The following MRPS28 variants were observed in gnomAD, a reference collection of about 807,000 sequenced individuals.
The protein encoded by MRPS28 is small ribosomal subunit protein bS1m.
MRPS28 carries 7 observed loss-of-function variants against 10.8 expected under a neutral mutation model. The ratio of observed to expected loss-of-function variants is 0.65; its 90% CI spans 0.37 to 1.22. The LOEUF is 1.22. Among genes scored for constraint, MRPS28 ranks in the 50% most tolerant of loss-of-function variants. MRPS28 has a pLI of 0.02. For missense variants in MRPS28, 265 were observed against 232.9 expected, an observed-to-expected ratio of 1.14 and a Z score of -0.90; for synonymous variants, 121 against 93.3, an observed-to-expected ratio of 1.30 and a Z score of -1.71.
chr8:79,932,243 T>C (rs1447846783), intron 2 of MRPS28, among the ~76,000 whole-genome samples: 1 of 151,868 alleles, frequency 6.6e-6, no homozygotes, highest in Middle Eastern at 3.2e-3. Flanking sequence ...AACAACCAAA[T>C]CAAATAGGAG....
At chr8:79,990,684 A>C (rs1808336975) in intron 2 of MRPS28, among the ~76,000 whole-genome samples, 1 of 152,104 alleles carries the variant, frequency 6.6e-6, no homozygotes, top group Non-Finnish European at 1.5e-5. Context: ...AAACAAAGAC[A>C]ATGATTAGGA....
At chr8:79,988,483 A>T (rs1394576186) in intron 2 of MRPS28, among the ~76,000 whole-genome samples, 7 of 151,444 alleles carry the variant, frequency 4.6e-5, no homozygotes, top group Non-Finnish European at 8.8e-5. Flanking sequence ...CCTAACTGTG[A>T]TATATTTATG....
chr8:79,952,386 G>A (rs1320617520), intron 2 of MRPS28, among the ~76,000 whole-genome samples: 1 of 152,142 alleles, frequency 6.6e-6, no homozygotes, highest in African/African-American at 2.4e-5. Flanking sequence ...ATCATTAGCT[G>A]AAAATAATGT....
intron 2 of MRPS28, among the ~76,000 whole-genome samples, chr8:79,989,434 G>T (rs886699418): frequency 4.6e-5 from 7 of 152,140 alleles, no homozygotes; most frequent in Admixed American, 3.9e-4. Context: ...ATGCCTAAGA[G>T]TGAAGTAGGT....
At chr8:79,990,056 G>A (rs1169115844) in intron 2 of MRPS28, among the ~76,000 whole-genome samples, 1 of 152,218 alleles carries the variant, frequency 6.6e-6, no homozygotes, top group Non-Finnish European at 1.5e-5. Flanking sequence ...GGCTACTCAG[G>A]AGGCAGAAGC....
chr8:79,947,881 C>A (rs1242006336), intron 2 of MRPS28, among the ~76,000 whole-genome samples: 1 of 151,534 alleles, frequency 6.6e-6, no homozygotes, highest in Non-Finnish European at 1.5e-5. Flanking sequence ...TCGTGATCCG[C>A]CTGCCTCGGC....
At chr8:79,940,215 C>A (rs1806730954) in intron 2 of MRPS28, among the ~76,000 whole-genome samples, 1 of 152,086 alleles carries the variant, frequency 6.6e-6, no homozygotes, top group Non-Finnish European at 1.5e-5. Context: ...GGTTTCATGG[C>A]CACTGCTTTC....
At chr8:80,025,628 G>C (rs1031183786) in intron 1 of MRPS28, among the ~76,000 whole-genome samples, 14 of 152,070 alleles carry the variant, frequency 9.2e-5, no homozygotes, top group African/African-American at 3.4e-4. Context: ...GTCATACTTA[G>C]GTAAAAACTG....
chr8:79,943,480 A>G (rs1806823115), intron 2 of MRPS28, among the ~76,000 whole-genome samples: 1 of 152,256 alleles, frequency 6.6e-6, no homozygotes, highest in South Asian at 2.1e-4. Context: ...GTTTCAGTAA[A>G]TTAAGCAATA....
At chr8:79,987,158 A>G (rs1394556869) in intron 2 of MRPS28, among the ~76,000 whole-genome samples, 3,343 of 152,160 alleles carry the variant, frequency 0.022, 136 homozygotes, top group African/African-American at 0.076. Flanking sequence ...CAAACCTGAC[A>G]AAAACAAGCA....
intron 2 of MRPS28, among the ~76,000 whole-genome samples, chr8:79,997,554 A>G (rs1305102743): frequency 1.3e-5 from 2 of 152,242 alleles, no homozygotes; most frequent in African/African-American, 2.4e-5. Flanking sequence ...ATCTAATTCA[A>G]TAGCAATTTC....
At chr8:79,961,315 T>C (rs1161917679) in intron 2 of MRPS28, among the ~76,000 whole-genome samples, 1 of 152,140 alleles carries the variant, frequency 6.6e-6, no homozygotes, top group African/African-American at 2.4e-5. Flanking sequence ...ACACAATACA[T>C]AATTAAGTAA....
chr8:79,928,265 A>C (rs983730574), intron 2 of MRPS28, among the ~76,000 whole-genome samples: 3 of 152,120 alleles, frequency 2.0e-5, no homozygotes, highest in African/African-American at 7.2e-5. Context: ...CAGGAGTTCA[A>C]GTCTGTGGTG....
intron 2 of MRPS28, among the ~76,000 whole-genome samples, chr8:79,954,696 A>C (rs914487929): frequency 2.6e-5 from 4 of 152,148 alleles, no homozygotes; most frequent in Non-Finnish European, 5.9e-5. Context: ...CTCCACTGCA[A>C]TTCTCTTGAA....
At position 79,986,679 on chromosome 8, in the gene MRPS28, C is replaced by T. The variant is rs559789736; in HGVS notation, c.395+16320G>A. 1.2e-4 allele frequency among the ~76,000 whole-genome samples: 18 copies of T among 151,822 alleles called. No individual in the cohort carries two copies. The East Asian group carries it at 3.5e-3, about 29-fold the overall frequency. ...ATGAGTGAACTCCCATTCACAATTG[C>T]TTCAAAGAGAATAAAATACCTAGGA... On this transcript the variant is annotated intron_variant, in intron 2 of 2. Transcript: ENST00000276585.
At chr8:79,985,720 A>C (rs1808137615) in intron 2 of MRPS28, among the ~76,000 whole-genome samples, 1 of 152,210 alleles carries the variant, frequency 6.6e-6, no homozygotes, top group Non-Finnish European at 1.5e-5. Context: ...CCCAAGACTA[A>C]ACCAGGAAGA....
At chr8:79,968,067 T>G (rs940123373) in intron 2 of MRPS28, among the ~76,000 whole-genome samples, 1 of 152,124 alleles carries the variant, frequency 6.6e-6, no homozygotes, top group Non-Finnish European at 1.5e-5. Context: ...CTTATTTACT[T>G]ATCAATTCTT....
intron 2 of MRPS28, among the ~76,000 whole-genome samples, chr8:79,961,416 C>T (rs1340782705): frequency 5.3e-5 from 8 of 152,062 alleles, no homozygotes; most frequent in African/African-American, 1.9e-4. Context: ...TTTCTATGGA[C>T]CAAAATGATA....
chr8:79,987,797 G>A (rs1261550721), intron 2 of MRPS28, among the ~76,000 whole-genome samples: 3 of 152,170 alleles, frequency 2.0e-5, no homozygotes, highest in Non-Finnish European at 4.4e-5. Context: ...GAGAGGATGT[G>A]GAGAAATAGG....
Sources: gnomAD v4.1 joint callset for allele counts (sites outside exome capture counted in the v4.1 genomes callset) on GRCh38, gnomAD v4.1.1 for gene constraint, MANE v1.5 for transcripts, NCBI Gene and HGNC (gene_info 2026-07-23, HGNC 2026-07-21) for gene names.